The following TMEM131 variants were observed in gnomAD, a reference collection of about 807,000 sequenced individuals.
TMEM131 encodes transmembrane protein 131.
TMEM131 carries 66 observed loss-of-function variants against 211.6 expected under a neutral mutation model. The ratio of observed to expected loss-of-function variants is 0.31; its 90% CI spans 0.26 to 0.38. The LOEUF is 0.38. Ranked by LOEUF, TMEM131 falls within the 10% of genes least tolerant of loss-of-function variation. TMEM131 has a pLI of 1.00. For missense variants in TMEM131, 2,036 were observed against 2,299.3 expected (o/e 0.89, Z 2.34); for synonymous variants, 844 against 841.3 (o/e 1.00, Z -0.06).
At chr2:97,972,490 G>A (rs111641658) in intron 1 of TMEM131, among the ~76,000 whole-genome samples, 15 of 149,784 alleles carry the variant, frequency 1.0e-4, no homozygotes, top group African/African-American at 2.0e-4. Flanking sequence ...GAGGGAAGGC[G>A]GGCAGGCAGG....
intron 4 of TMEM131, among the ~76,000 whole-genome samples, chr2:97,865,107 T>G (rs1455504400): frequency 6.6e-6 from 1 of 152,266 alleles, no homozygotes; most frequent in South Asian, 2.1e-4. Context: ...GCTCTCCATT[T>G]TGGGGATTAT....
intron 31 of TMEM131, among the ~76,000 whole-genome samples, chr2:97,785,123 A>G (rs1235607145): frequency 1.3e-5 from 2 of 152,144 alleles, no homozygotes; most frequent in East Asian, 3.8e-4. Flanking sequence ...CTTAAAAATT[A>G]ACATCTTCCC....
At chr2:97,796,154 C>A in intron 28 of TMEM131, 64 bp downstream of exon 28, 7 of 964,592 alleles carry the variant, frequency 7.3e-6, no homozygotes, top group South Asian at 3.6e-5. Context: ...AATATGAAAA[C>A]ATATCTTTGC....
At chr2:97,927,539 T>C in intron 1 of TMEM131, 52 bp from the exon 2 acceptor site, 1 of 1,410,700 alleles carries the variant, frequency 7.1e-7, no homozygotes, top group Non-Finnish European at 9.5e-7. Flanking sequence ...AATTTGATTT[T>C]CATAACATCT....
At chr2:97,884,182 T>C (rs538524359) in intron 4 of TMEM131, among the ~76,000 whole-genome samples, 5 of 152,338 alleles carry the variant, frequency 3.3e-5, no homozygotes, top group East Asian at 1.9e-4. Flanking sequence ...CCTTCACCCA[T>C]TGGTCATTCA....
At chr2:97,973,436 CAGGG>C (rs1289216626) in intron 1 of TMEM131, among the ~76,000 whole-genome samples, 2 of 152,132 alleles carry the variant, frequency 1.3e-5, no homozygotes, top group African/African-American at 2.4e-5. Context: ...GGCCACAGTG[CAGGG>C]AGGGGAAACA....
chr2:97,924,015 G>A (rs1004886705), intron 2 of TMEM131, among the ~76,000 whole-genome samples: 3 of 152,090 alleles, frequency 2.0e-5, no homozygotes, highest in Non-Finnish European at 4.4e-5. Flanking sequence ...AGGAGGCAGA[G>A]CTTGCAGTGA....
intron 4 of TMEM131, among the ~76,000 whole-genome samples, chr2:97,864,009 T>C (rs1674170378): frequency 6.6e-6 from 1 of 152,174 alleles, no homozygotes; most frequent in Non-Finnish European, 1.5e-5. Flanking sequence ...ATAAAAAAAA[T>C]GTGGTACATA....
intron 18 of TMEM131, 47 bp from the exon 19 acceptor site, chr2:97,809,821 C>T: frequency 6.9e-7 from 1 of 1,444,212 alleles, no homozygotes; most frequent in Admixed American, 2.0e-5. Context: ...AAGACTTAGC[C>T]TGATCTTGAT....
chr2:97,920,976 T>C (rs893147729), intron 2 of TMEM131, among the ~76,000 whole-genome samples: 8 of 145,038 alleles, frequency 5.5e-5, no homozygotes. Context: ...CCCGAGTGTG[T>C]GTGTGTGTGT....
At chr2:97,888,676 AC>A (rs960892282) in intron 3 of TMEM131, among the ~76,000 whole-genome samples, 8 of 152,188 alleles carry the variant, frequency 5.3e-5, no homozygotes, top group African/African-American at 1.9e-4. Context: ...TAACTAACCC[AC>A]CTGATACCAG....
At chr2:97,976,273 C>T (rs772970634) in intron 1 of TMEM131, among the ~76,000 whole-genome samples, 19 of 152,068 alleles carry the variant, frequency 1.2e-4, no homozygotes, top group Admixed American at 3.9e-4. Flanking sequence ...TGATCATCTA[C>T]GTAAAAAGTC....
At chr2:97,884,722 T>C (rs1468510799) in intron 4 of TMEM131, among the ~76,000 whole-genome samples, 1 of 152,252 alleles carries the variant, frequency 6.6e-6, no homozygotes, top group Non-Finnish European at 1.5e-5. Context: ...TTTGGCCTTA[T>C]GTAAGTAATG....
At chr2:97,771,869 CA>C (rs1017592926) in intron 33 of TMEM131, among the ~76,000 whole-genome samples, 23 of 152,260 alleles carry the variant, frequency 1.5e-4, no homozygotes, top group African/African-American at 5.5e-4. Flanking sequence ...TAAACTTTTC[CA>C]AGTTTTATGG....
chr2:97,960,249 T>C (rs1678759404), intron 1 of TMEM131, among the ~76,000 whole-genome samples: 1 of 152,226 alleles, frequency 6.6e-6, no homozygotes. Context: ...CCTGAGTCAA[T>C]GATTACAGTG....
intron 1 of TMEM131, among the ~76,000 whole-genome samples, chr2:97,988,778 C>T (rs1401521428): frequency 6.6e-6 from 1 of 152,150 alleles, no homozygotes; most frequent in Non-Finnish European, 1.5e-5. Flanking sequence ...TTGGCAAGGG[C>T]ATGGAGAAAT....
intron 31 of TMEM131, among the ~76,000 whole-genome samples, chr2:97,786,784 G>A (rs1248579401): frequency 7.9e-5 from 12 of 152,204 alleles, no homozygotes; most frequent in Non-Finnish European, 2.9e-5. Flanking sequence ...TTGACGGGGG[G>A]CCGACAGAAA....
At chr2:97,948,174 A>G (rs1678132558) in intron 1 of TMEM131, among the ~76,000 whole-genome samples, 1 of 152,168 alleles carries the variant, frequency 6.6e-6, no homozygotes, top group Non-Finnish European at 1.5e-5. Flanking sequence ...TGAACTATAA[A>G]AGAAAAAAAG....
Position 97,796,903 on chromosome 2 carries a change from C to T in TMEM131, c.2954G>A (p.Gly985Asp). Residue 985 changes from glycine to aspartate, a missense_variant, in exon 27 of 41, where the codon GGT (glycine) becomes GAT (aspartate). By Grantham distance (94) the Gly-to-Asp change is moderately conservative. Transcript: ENST00000186436. ...TTTAAAGCGTAAGGAGCTTCCTGGA[C>T]CTGGAAGCTTGCCTGCCACCCTCAA... ...ENLRVAGKLP[G>D]PGSSLRFKIT... The T allele has an allele frequency of 6.2e-7, 1 of 1,613,942 alleles. No individual in the cohort carries two copies. The highest frequency in any genetic ancestry group is 1.1e-5 in the South Asian group (1 of 91,074).
Sources: gnomAD v4.1 joint callset for allele counts (sites outside exome capture counted in the v4.1 genomes callset) on GRCh38, gnomAD v4.1.1 for gene constraint, MANE v1.5 for transcripts, NCBI Gene and HGNC (gene_info 2026-07-23, HGNC 2026-07-21) for gene names.